Variants in LYST observed in about 807,000 individuals in gnomAD.
LYST encodes the protein lysosomal trafficking regulator.
In LYST, 192 loss-of-function variants were observed where a neutral mutation model predicts 413.6. The ratio of observed to expected loss-of-function variants is 0.46; its 90% confidence interval spans 0.41 to 0.52. The LOEUF (loss-of-function observed/expected upper bound fraction) is 0.52, where lower values mean the gene tolerates loss of function less well. Among genes scored for constraint, LYST ranks in the 20% least tolerant of loss-of-function variants. The pLI, the probability that LYST is intolerant of heterozygous loss-of-function variation, is 0.00. For missense variants in LYST, 3,815 were observed against 4,499.9 expected, an observed-to-expected ratio of 0.85 and a Z score of 4.35; for synonymous variants, 1,525 against 1,567.3, an observed-to-expected ratio of 0.97 and a Z score of 0.64.
At chr1:235,788,613 C>A (rs1409884606) in intron 13 of LYST, 88 bp downstream of exon 13, 21 of 1,306,906 alleles carry the variant, frequency 1.6e-5, no homozygotes, top group Non-Finnish European at 2.2e-5. Flanking sequence ...CTATAATGAA[C>A]TTTTATTAGT....
At chr1:235,795,982 C>A (rs778173733) in intron 10 of LYST, among the ~76,000 whole-genome samples, 2 of 151,704 alleles carry the variant, frequency 1.3e-5, no homozygotes, top group Non-Finnish European at 2.9e-5. Context: ...AAAAAGAGCT[C>A]TTAAATATTA....
chr1:235,676,939 C>A (rs1659425640), intron 50 of LYST, 152 bp downstream of exon 50: 1 of 691,594 alleles, frequency 1.4e-6, no homozygotes, highest in East Asian at 2.7e-5. Flanking sequence ...CAGTCTTGGA[C>A]CATATTGTAT....
intron 16 of LYST, among the ~76,000 whole-genome samples, chr1:235,779,971 G>A (rs941455175): frequency 6.6e-5 from 10 of 151,978 alleles, no homozygotes; most frequent in East Asian, 3.9e-4. Context: ...TTGCTATAAC[G>A]AAAAATCCTC....
intron 45 of LYST, 46 bp downstream of exon 45, chr1:235,702,701 G>C: frequency 6.7e-7 from 1 of 1,486,376 alleles, no homozygotes; most frequent in South Asian, 1.1e-5. Context: ...CATCACAAGA[G>C]TCTAATCAGG....
chr1:235,729,473 C>T, intron 37 of LYST, 123 bp downstream of exon 37: 1 of 712,162 alleles, frequency 1.4e-6, no homozygotes, highest in South Asian at 1.5e-5. Flanking sequence ...GGCAAATTAG[C>T]CTATATGATA....
chr1:235,864,931 A>T (rs1680321685), intron 1 of LYST, among the ~76,000 whole-genome samples: 1 of 152,066 alleles, frequency 6.6e-6, no homozygotes, highest in African/African-American at 2.4e-5. Context: ...CCTGACTCAA[A>T]ACTAAAAATA....
rs1439313055 is a variant in LYST, at chr1:235,663,008, G to C, written c.11338C>G (p.Arg3780Gly). The change falls in exon 53 of 53, where the codon CGG becomes GGG. Residue 3780 changes from arginine to glycine, a missense_variant. Arg to Gly is a moderately radical substitution (Grantham distance 125, BLOSUM62 -2). This residue lies in a region of LYST where 866 missense variants were observed against 1,156.0 expected (regional missense o/e 0.75). Coordinates refer to ENST00000389793, the MANE Select transcript of LYST (RefSeq NM_000081.4). ...TGTTTCAAGCGCTGCTGGTCCTTCC[G>C]ACACCAGGCAATCACGGTCCCATCA... ...NSDGTVIAWC[R>G]KDQQRLKQPM... 6.2e-7 allele frequency: 1 copy of C among 1,613,726 alleles called. No homozygotes were observed. Among genetic ancestry groups the C allele is most frequent in the East Asian group, 2.2e-5 (1 of 44,888 alleles).
At position 235,762,582 on chromosome 1, in the gene LYST, G is replaced by A. The variant is rs1364051851; in HGVS notation, c.6253+138C>T. On this transcript the variant is annotated intron_variant, in intron 22 of 52. Transcript: ENST00000389793. ...CCTCATCCATTTTCTCAATGCTCTT[G>A]AGGACCTGTGCTGGGTGTCTCTTGT... is the stretch of plus-strand genomic sequence containing the variant. 4 of 802,530 alleles carry A rather than the reference G, an allele frequency of 5.0e-6. No individual in the cohort carries two copies. The African/African-American group carries it at 5.1e-5, about 10-fold the overall frequency. The allele number at this position is 802,530 out of a possible 1,614,324, so 49.7% of individuals were successfully genotyped here. A position where few individuals can be genotyped will look rare whatever the true frequency, so the allele number is the denominator to read the frequency against.
At chr1:235,817,979 T>C (rs952886614) in intron 3 of LYST, among the ~76,000 whole-genome samples, 6 of 152,206 alleles carry the variant, frequency 3.9e-5, no homozygotes, top group African/African-American at 1.4e-4. Flanking sequence ...TACGTAAGTT[T>C]TACAATATTT....
rs1008867145 is a variant in LYST, at chr1:235,864,051, G to A, written c.-98+2792C>T. ...CTGGCCTGTCTTCAGCAAGAATCCCGTTAGGTCGGCTTAGCCAGAATCCCC... is the reference window on the plus strand; with the variant it reads ...CTGGCCTGTCTTCAGCAAGAATCCCATTAGGTCGGCTTAGCCAGAATCCCC... On this transcript the variant is annotated intron_variant, in intron 1 of 52. Coordinates refer to ENST00000389793, the MANE Select transcript of LYST (RefSeq NM_000081.4). Among the ~76,000 whole-genome samples, 6 of 152,158 alleles carry A rather than the reference G, an allele frequency of 3.9e-5. No individual in the cohort carries two copies. The East Asian group carries it at 5.8e-4, about 15-fold the overall frequency.
In LYST at chr1:235,709,250, A is replaced by C; in HGVS notation, c.9984T>G (p.Pro3328=). The C allele has an allele frequency of 1.2e-6, 2 of 1,614,150 alleles. No homozygotes were observed. The highest frequency in any genetic ancestry group is 8.5e-7 in the Non-Finnish European group (1 of 1,180,022). The change falls in exon 44 of 53, where the codon CCT becomes CCG. Residue 3328 remains proline, a synonymous_variant. Coordinates refer to ENST00000389793, the MANE Select transcript of LYST (RefSeq NM_000081.4). ...GERVNHVNLP[P]WARNDPRLFI... ...AAAGACGAGGATCATTACGCGCCCA[A>C]GGGGGAAGGTTGACGTGATTAACCC...
intron 1 of LYST, among the ~76,000 whole-genome samples, chr1:235,839,179 T>C (rs1038788254): frequency 5.9e-5 from 9 of 151,760 alleles, no homozygotes; most frequent in Admixed American, 5.2e-4. Flanking sequence ...TTTTTCAAAA[T>C]CTTAGCTCAT....
intron 1 of LYST, among the ~76,000 whole-genome samples, chr1:235,846,473 C>T (rs1053126852): frequency 5.3e-5 from 8 of 152,024 alleles, no homozygotes; most frequent in African/African-American, 1.9e-4. Context: ...CTCTTCAACA[C>T]CCCCCCAAAA....
In LYST at chr1:235,691,697, C is replaced by CTTTTTTTT. The variant is rs774558822; in HGVS notation, c.10701+1652_10701+1653insAAAAAAAA. ...GTAAGTACTATAAACATCAGATTCT[C>CTTTTTTTT]TCTTTTTTTTTTTTTTGAGATGGAG... On this transcript the variant is annotated intron_variant, in intron 47 of 52. Coordinates refer to ENST00000389793, the MANE Select transcript of LYST (RefSeq NM_000081.4). 1.3e-4 allele frequency among the ~76,000 whole-genome samples: 18 copies of CTTTTTTTT among 138,202 alleles called. 3 individuals carry two copies. The highest frequency in any genetic ancestry group is 9.2e-5 in the Non-Finnish European group (6 of 65,054). 90.7% of individuals were successfully genotyped at this position (138,202 alleles called of 152,430 possible). A position where few individuals can be genotyped will look rare whatever the true frequency, so the allele number is the denominator to read the frequency against.
At chr1:235,741,066 T>A (rs996567873) in intron 31 of LYST, among the ~76,000 whole-genome samples, 4 of 152,222 alleles carry the variant, frequency 2.6e-5, no homozygotes, top group African/African-American at 9.6e-5. Context: ...ATACTGTTGT[T>A]TGAGCTATTC....
chr1:235,706,191 C>T (rs1477942900), intron 44 of LYST, among the ~76,000 whole-genome samples: 1 of 152,164 alleles, frequency 6.6e-6, no homozygotes, highest in African/African-American at 2.4e-5. Flanking sequence ...GTTTAGGACA[C>T]ACAACCCCAA....
Position 235,792,255 on chromosome 1 carries a change from C to T in LYST, c.4117-130G>A, listed in dbSNP as rs865958548. On this transcript the variant is annotated intron_variant, in intron 11 of 52. Transcript: ENST00000389793. Reference sequence around the variant, plus strand: ...TCAGCATTCCTATTTAAATACCTTCCTATCTCCCACATCTTTAAAACTTTC... The same window carrying T: ...TCAGCATTCCTATTTAAATACCTTCTTATCTCCCACATCTTTAAAACTTTC... The T allele has an allele frequency of 1.9e-5, 12 of 646,004 alleles. 1 individual carries two copies. The highest frequency in any genetic ancestry group is 5.5e-5 in the South Asian group (3 of 54,660). The allele number at this position is 646,004 out of a possible 1,614,324, so 40.0% of individuals were successfully genotyped here. A position where few individuals can be genotyped will look rare whatever the true frequency, so the allele number is the denominator to read the frequency against.
At position 235,769,373 on chromosome 1, in the gene LYST, C is replaced by T. The variant is rs75710890; in HGVS notation, c.5922+787G>A. Among the ~76,000 whole-genome samples the T allele has an allele frequency of 4.0e-3, 612 of 152,082 alleles. 1 individual carries two copies. Among genetic ancestry groups the T allele is most frequent in the Non-Finnish European group, 6.8e-3 (461 of 67,878 alleles). ...AGAATGGTAGCCAGATCATATAAGC[C>T]TTCTCATATTAACACTTCTTACAGA... On this transcript the variant is annotated intron_variant, in intron 20 of 52. Coordinates refer to ENST00000389793, the MANE Select transcript of LYST (RefSeq NM_000081.4).
chr1:235,781,831 G>C, intron 15 of LYST, 96 bp downstream of exon 15: 3 of 813,626 alleles, frequency 3.7e-6, no homozygotes, highest in Non-Finnish European at 6.2e-6. Context: ...TTTAATATTT[G>C]TTAACTGAGA....
Sources: allele counts gnomAD v4.1 joint callset (sites outside exome capture counted in the v4.1 genomes callset), GRCh38; gene constraint gnomAD v4.1.1; regional missense constraint gnomAD v4.1.1; transcripts MANE v1.5; gene names NCBI Gene and HGNC (gene_info 2026-07-23, HGNC 2026-07-21).